The following EXD2 variants were observed in gnomAD, a reference collection of about 807,000 sequenced individuals.
EXD2 encodes the protein exonuclease 3'-5' domain-containing protein 2.
A neutral mutation model predicts 62.5 loss-of-function variants in EXD2; 40 were observed. The observed-to-expected ratio is 0.64, with a 90% CI of 0.50 to 0.83. The LOEUF (loss-of-function observed/expected upper bound fraction) is 0.83, where lower values mean the gene tolerates loss of function less well. Ranked by LOEUF, EXD2 falls within the 40% of genes least tolerant of loss-of-function variation. The probability of loss-of-function intolerance (pLI) is 0.00; values close to 1 mark genes in which losing one functional copy is unlikely to be tolerated. For missense variants in EXD2, 671 were observed against 761.8 expected (o/e 0.88, Z 1.40); for synonymous variants, 239 against 291.9 (o/e 0.82, Z 1.85).
chr14:69,199,007 G>A (rs760782881), intron 1 of EXD2, among the ~76,000 whole-genome samples: 1 of 152,254 alleles, frequency 6.6e-6, no homozygotes, highest in Non-Finnish European at 1.5e-5. Flanking sequence ...ACTTTGGGAG[G>A]CTGAGGCGGG....
intron 3 of EXD2, among the ~76,000 whole-genome samples, chr14:69,215,294 ATATATGTGTGTGTGTG>A (rs1279265925): frequency 3.6e-5 from 5 of 137,268 alleles, no homozygotes; most frequent in East Asian, 2.0e-4. Flanking sequence ...CATCTCAAAA[ATATATGTGTGTGTGTG>A]TGTGTGTGTG....
chr14:69,194,724 C>G (rs1345144440), intron 1 of EXD2, among the ~76,000 whole-genome samples: 2 of 152,060 alleles, frequency 1.3e-5, no homozygotes, highest in African/African-American at 4.8e-5. Flanking sequence ...TTTTGCTGGA[C>G]CAATACCACA....
At chr14:69,235,505 A>G (rs888028030) in intron 6 of EXD2, 4 of 177,242 alleles carry the variant, frequency 2.3e-5, no homozygotes, top group East Asian at 1.7e-4. Flanking sequence ...TCTCTAGCCA[A>G]TGAAAAATGT....
intron 5 of EXD2, among the ~76,000 whole-genome samples, chr14:69,232,974 G>A (rs1260904459): frequency 6.6e-6 from 1 of 152,122 alleles, no homozygotes; most frequent in Non-Finnish European, 1.5e-5. Context: ...ATGATGATTG[G>A]CTCCTATATT....
intron 3 of EXD2, chr14:69,210,199 G>C (rs1346133882): frequency 6.3e-6 from 1 of 158,350 alleles, no homozygotes; most frequent in Non-Finnish European, 1.4e-5. Context: ...TGAACATATA[G>C]TAGTAAGTGT....
chr14:69,221,445 A>C (rs184403570), intron 3 of EXD2, among the ~76,000 whole-genome samples: 1 of 152,242 alleles, frequency 6.6e-6, no homozygotes, highest in East Asian at 1.9e-4. Context: ...TTTATCATCT[A>C]AATATGTTAT....
chr14:69,217,062 T>C (rs1447427833), intron 3 of EXD2, among the ~76,000 whole-genome samples: 5 of 152,162 alleles, frequency 3.3e-5, no homozygotes, highest in Admixed American at 6.5e-5. Context: ...TCAACTCTTT[T>C]ATTTTTTAGA....
At chr14:69,239,447 T>C (rs989823176) in intron 9 of EXD2, among the ~76,000 whole-genome samples, 1 of 152,232 alleles carries the variant, frequency 6.6e-6, no homozygotes, top group Non-Finnish European at 1.5e-5. Context: ...CAAAAATTTT[T>C]TTACTCTTAT....
At chr14:69,205,292 G>A (rs970128419) in intron 2 of EXD2, among the ~76,000 whole-genome samples, 8 of 151,972 alleles carry the variant, frequency 5.3e-5, no homozygotes, top group Non-Finnish European at 1.0e-4. Context: ...CTCAAGTGAT[G>A]CTCCCACCTC....
At chr14:69,199,163 G>A (rs567730362) in intron 1 of EXD2, among the ~76,000 whole-genome samples, 138 of 152,366 alleles carry the variant, frequency 9.1e-4, no homozygotes, top group African/African-American at 3.1e-3. Flanking sequence ...AGAATCGCTT[G>A]AACTTGGGAG....
At chr14:69,225,657 A>G (rs2043333271) in intron 3 of EXD2, among the ~76,000 whole-genome samples, 1 of 152,180 alleles carries the variant, frequency 6.6e-6, no homozygotes, top group South Asian at 2.1e-4. Flanking sequence ...ATGCTAATGA[A>G]ATTAAAACGT....
chr14:69,229,050 C>T lies in EXD2; in HGVS notation c.568C>T (p.Arg190Ter), dbSNP rs771977728. ...GLVVRGCLDL[R>*]YLAMRQRNNL... ...CGTTGTTAGGGGGTGCCTGGACCTC[C>T]GATACCTAGCCATGCGGCAGAGGTG... The change falls in exon 4 of 10, where the codon CGA (arginine) becomes TGA (stop). Residue 190 changes from arginine to a stop codon, truncating the protein, a stop_gained. Transcript: ENST00000685843. LOFTEE classifies it high-confidence loss of function. 7 of 1,614,146 alleles carry T rather than the reference C, an allele frequency of 4.3e-6. No individual in the cohort carries two copies. The highest frequency in any genetic ancestry group is 2.2e-5 in the East Asian group (1 of 44,892).
At chr14:69,219,686 A>G (rs1403014437) in intron 3 of EXD2, among the ~76,000 whole-genome samples, 1 of 152,204 alleles carries the variant, frequency 6.6e-6, no homozygotes, top group Non-Finnish European at 1.5e-5. Context: ...TGAGTTTTAC[A>G]TATTTCTCTT....
chr14:69,234,747 T>C lies in EXD2; in HGVS notation c.765T>C (p.Leu255=). Residue 255 remains leucine (L), a synonymous_variant, in exon 6 of 10, where the codon CTT becomes CTC. Coordinates refer to ENST00000685843, the MANE Select transcript of EXD2 (RefSeq NM_001193360.2). ...CCCAGATTTCAGTGGCTCTCTTTCT[T>C]CATCTTCTTGGATACCCTTTCTCTA... ...RDAQISVALF[L]HLLGYPFSRN... 2 of 1,614,050 alleles carry C rather than the reference T, an allele frequency of 1.2e-6. No homozygotes were observed. Among genetic ancestry groups the C allele is most frequent in the East Asian group, 2.2e-5 (1 of 44,886 alleles).
At chr14:69,232,873 T>A (rs1018593819) in intron 5 of EXD2, among the ~76,000 whole-genome samples, 1 of 152,230 alleles carries the variant, frequency 6.6e-6, no homozygotes, top group Non-Finnish European at 1.5e-5. Flanking sequence ...TTTGATGAGC[T>A]CCAGTTATCA....
At chr14:69,230,685 A>AT in intron 5 of EXD2, 87 bp downstream of exon 5, 1 of 1,455,518 alleles carries the variant, frequency 6.9e-7, no homozygotes, top group Non-Finnish European at 9.2e-7. Context: ...CAAATATAGT[A>AT]TAAGTATTGG....
intron 3 of EXD2, among the ~76,000 whole-genome samples, chr14:69,217,113 C>T (rs1028114352): frequency 1.3e-5 from 2 of 152,284 alleles, no homozygotes; most frequent in South Asian, 2.1e-4. Flanking sequence ...AGTGCAGTGG[C>T]GTGATCATAA....
intron 9 of EXD2, 42 bp downstream of exon 9, chr14:69,237,973 C>A: frequency 6.7e-7 from 1 of 1,486,606 alleles, no homozygotes; most frequent in Non-Finnish European, 9.0e-7. Flanking sequence ...GGGACATTAA[C>A]CCTCATTACT....
chr14:69,228,795 C>T (rs750489391), intron 3 of EXD2, 21 bp from the exon 4 acceptor site: 3 of 1,599,290 alleles, frequency 1.9e-6, no homozygotes, highest in South Asian at 1.1e-5. Context: ...TGAACCACAA[C>T]CTTGTCTTCC....
Sources: gnomAD v4.1 joint callset for allele counts (sites outside exome capture counted in the v4.1 genomes callset) on GRCh38, gnomAD v4.1.1 for gene constraint, MANE v1.5 for transcripts, NCBI Gene and HGNC (gene_info 2026-07-23, HGNC 2026-07-21) for gene names.